The following FAM168B variants were observed in gnomAD, a reference collection of about 807,000 sequenced individuals.
FAM168B encodes the protein myelin-associated neurite-outgrowth inhibitor.
Under a neutral mutation model 21.8 loss-of-function variants are expected in FAM168B, and 19 were observed. The observed-to-expected ratio is 0.87, with a 90% confidence interval of 0.61 to 1.28. The LOEUF (loss-of-function observed/expected upper bound fraction) is 1.28, where lower values mean the gene tolerates loss of function less well. Among genes scored for constraint, FAM168B ranks in the 50% most tolerant of loss-of-function variants. FAM168B has a pLI of 0.00. For synonymous variants in FAM168B, 126 were observed against 104.8 expected (o/e 1.20, Z -1.24); for missense variants, 233 against 263.1 (o/e 0.89, Z 0.79).
rs1693723106 is a variant in FAM168B at position 131,086,782 on chromosome 2, AAGGCCGGGCGCGG to A, written c.-11-4138_-11-4126del. Reference sequence around the variant, plus strand: ...AACAAGTGTTAAGAGTCACAAGAGAAAGGCCGGGCGCGGTGGCTCACGCCTGTAATCCCAGCAC... The same window carrying A: ...AACAAGTGTTAAGAGTCACAAGAGAATGGCTCACGCCTGTAATCCCAGCAC... On this transcript the variant is annotated intron_variant, in intron 1 of 6. Transcript: ENST00000389915. Among the ~76,000 whole-genome samples, 2 of 147,552 alleles carry A rather than the reference AAGGCCGGGCGCGG, an allele frequency of 1.4e-5. 1 individual carries two copies. The highest frequency in any genetic ancestry group is 5.3e-5 in the African/African-American group (2 of 37,442).
In FAM168B at chr2:131,085,150, A is replaced by G. The variant is rs917979624; in HGVS notation, c.-11-2493T>C. Among the ~76,000 whole-genome samples, 9 of 152,090 alleles carry G rather than the reference A, an allele frequency of 5.9e-5. No individual in the cohort carries two copies. In the South Asian group the frequency reaches 8.3e-4, roughly 14 times the overall value. On this transcript the variant is annotated intron_variant, in intron 1 of 6. Coordinates refer to ENST00000389915, the MANE Select transcript of FAM168B (RefSeq NM_001009993.4). ...TGCTCAATTTTGCTGTGAACCTAAAACTGCTAGACCTAAAAAAAAGTCTAT... is the reference window on the plus strand; with the variant it reads ...TGCTCAATTTTGCTGTGAACCTAAAGCTGCTAGACCTAAAAAAAAGTCTAT...
chr2:131,080,925 C>T (rs779365180), intron 2 of FAM168B, among the ~76,000 whole-genome samples: 5 of 152,146 alleles, frequency 3.3e-5, no homozygotes, highest in South Asian at 2.1e-4. Context: ...CTGCCTCGGC[C>T]TCCCAAAGTG....
chr2:131,088,247 G>C (rs1693816457), intron 1 of FAM168B, among the ~76,000 whole-genome samples: 1 of 129,866 alleles, frequency 7.7e-6, no homozygotes, highest in Non-Finnish European at 1.5e-5. Context: ...CTCTGTCTGG[G>C]GGGAAAAAAA....
intron 1 of FAM168B, among the ~76,000 whole-genome samples, chr2:131,091,902 G>T (rs1047099717): frequency 2.6e-4 from 39 of 151,576 alleles, no homozygotes; most frequent in Non-Finnish European, 4.7e-4. Context: ...GGTCGAGGCG[G>T]GCGGATCACG....
chr2:131,082,222 G>T (rs1558991181), intron 2 of FAM168B, among the ~76,000 whole-genome samples: 1 of 152,174 alleles, frequency 6.6e-6, no homozygotes, highest in Non-Finnish European at 1.5e-5. Context: ...GTCCCATCAG[G>T]CTTTCCTGTA....
At chr2:131,075,449 T>C (rs916003117) in intron 2 of FAM168B, among the ~76,000 whole-genome samples, 4 of 152,036 alleles carry the variant, frequency 2.6e-5, no homozygotes, top group Non-Finnish European at 5.9e-5. Flanking sequence ...TAACGGTCCC[T>C]GAAAAACTAC....
intron 1 of FAM168B, among the ~76,000 whole-genome samples, chr2:131,090,319 CAAAAAAA>C (rs1179969129): frequency 4.0e-5 from 3 of 75,218 alleles, no homozygotes; most frequent in East Asian, 4.3e-4. Flanking sequence ...ACTCTTGTCT[CAAAAAAA>C]AAAAAAAAAA....
chr2:131,071,728 C>T (rs1692879336), intron 3 of FAM168B, 127 bp downstream of exon 3: 1 of 776,256 alleles, frequency 1.3e-6, no homozygotes, highest in Admixed American at 2.3e-5. Context: ...TATCAACAGG[C>T]TAACTTAATG....
intron 1 of FAM168B, among the ~76,000 whole-genome samples, chr2:131,092,711 G>A (rs1694095146): frequency 1.3e-5 from 2 of 151,982 alleles, no homozygotes; most frequent in Admixed American, 6.6e-5. Flanking sequence ...ACCCAGGCTA[G>A]GCCACGAAAC....
At chr2:131,075,556 G>A (rs887486931) in intron 2 of FAM168B, among the ~76,000 whole-genome samples, 32 of 151,382 alleles carry the variant, frequency 2.1e-4, no homozygotes, top group African/African-American at 6.3e-4. Context: ...ATGCAGTGGC[G>A]TGATCTCGGC....
chr2:131,054,386 T>A (rs1447133378), intron 5 of FAM168B, among the ~76,000 whole-genome samples: 1 of 152,156 alleles, frequency 6.6e-6, no homozygotes, highest in African/African-American at 2.4e-5. Context: ...GCACCCAACC[T>A]GGTGCCTGCT....
intron 1 of FAM168B, among the ~76,000 whole-genome samples, chr2:131,089,110 G>A (rs930623932): frequency 6.6e-6 from 1 of 152,012 alleles, no homozygotes; most frequent in African/African-American, 2.4e-5. Flanking sequence ...GGGATTACAG[G>A]CATGTGCCAC....
chr2:131,077,370 G>A (rs564261937), intron 2 of FAM168B, among the ~76,000 whole-genome samples: 30 of 152,298 alleles, frequency 2.0e-4, no homozygotes, highest in African/African-American at 6.5e-4. Context: ...CTCAGGAGCA[G>A]GACCAGGCCG....
Position 131,086,845 on chromosome 2 carries a change from C to T in FAM168B, c.-11-4188G>A, listed in dbSNP as rs1693728412. On this transcript the variant is annotated intron_variant, in intron 1 of 6. Coordinates refer to ENST00000389915, the MANE Select transcript of FAM168B (RefSeq NM_001009993.4). The stretch of plus-strand genomic sequence containing the variant: ...CTTTGGGAGGCCGAGGCGGGCGGAT[C>T]ACGAGGTCAGGAGATCGAGACCATC... Among the ~76,000 whole-genome samples the T allele has an allele frequency of 2.1e-5, 2 of 95,328 alleles. 1 individual carries two copies. Among genetic ancestry groups the T allele is most frequent in the African/African-American group, 1.7e-4 (2 of 11,742 alleles). The allele number at this position is 95,328 out of a possible 152,430, so 62.5% of individuals were successfully genotyped here.
At chr2:131,092,143 C>CA (rs992051589) in intron 1 of FAM168B, among the ~76,000 whole-genome samples, 1,160 of 78,946 alleles carry the variant, frequency 0.015, 4 homozygotes, top group African/African-American at 0.024. Flanking sequence ...GACTCCGTCT[C>CA]AAAAAAAAAA....
intron 1 of FAM168B, among the ~76,000 whole-genome samples, chr2:131,092,527 T>G (rs1299941771): frequency 6.6e-6 from 1 of 152,360 alleles, no homozygotes; most frequent in African/African-American, 2.4e-5. Context: ...TTTTTATTTA[T>G]AAAGCTTCCT....
chr2:131,085,360 T>C (rs958644386), intron 1 of FAM168B, among the ~76,000 whole-genome samples: 1 of 152,126 alleles, frequency 6.6e-6, no homozygotes, highest in South Asian at 2.1e-4. Flanking sequence ...ATTTAGAATG[T>C]AGCCAAAACA....
intron 3 of FAM168B, among the ~76,000 whole-genome samples, chr2:131,064,460 A>G (rs1692456789): frequency 6.6e-6 from 1 of 152,198 alleles, no homozygotes; most frequent in Non-Finnish European, 1.5e-5. Flanking sequence ...TCAGGCACCA[A>G]CAAGGTACCC....
intron 1 of FAM168B, among the ~76,000 whole-genome samples, chr2:131,085,667 A>C (rs530198998): frequency 1.1e-4 from 17 of 152,364 alleles, no homozygotes; most frequent in Admixed American, 3.3e-4. Context: ...AATCAGGAAT[A>C]AACTGGCAAC....
Sources: gnomAD v4.1 joint callset for allele counts (sites outside exome capture counted in the v4.1 genomes callset) on GRCh38, gnomAD v4.1.1 for gene constraint, MANE v1.5 for transcripts, NCBI Gene and HGNC (gene_info 2026-07-23, HGNC 2026-07-21) for gene names.